Variants in SLC4A5 observed in about 807,000 individuals in gnomAD.
SLC4A5 encodes the protein electrogenic sodium bicarbonate cotransporter 4.
Under a neutral mutation model 120.4 loss-of-function variants are expected in SLC4A5, and 96 were observed. The ratio of observed to expected loss-of-function variants is 0.80; its 90% confidence interval spans 0.68 to 0.94. SLC4A5 has a LOEUF of 0.94. SLC4A5 is among the 40% of genes least tolerant of loss of function. The pLI, the probability that SLC4A5 is intolerant of heterozygous loss-of-function variation, is 0.00. For synonymous variants in SLC4A5, 550 were observed against 571.1 expected (o/e 0.96, Z 0.53); for missense variants, 1,259 against 1,459.5 (o/e 0.86, Z 2.24).
intron 11 of SLC4A5, among the ~76,000 whole-genome samples, chr2:74,260,202 G>A (rs917867945): frequency 1.3e-5 from 2 of 152,182 alleles, no homozygotes; most frequent in African/African-American, 4.8e-5. Context: ...GAGAAAGCCA[G>A]CTCTCCTCTC....
chr2:74,255,953 A>C lies in SLC4A5; in HGVS notation c.868-21T>G. On this transcript the variant is annotated intron_variant, in intron 12 of 30. Coordinates refer to ENST00000394019, the Ensembl canonical transcript of SLC4A5. This position sits in a 1 kb window ranked among gnomAD's most constrained non-coding sequence, Gnocchi z 4.0. ...TTCCGCTGGACAGGGAGGGGAAACG[A>C]GATAGCCAAGGAGACTCCCACCTGC... 6.2e-7 allele frequency: 1 copy of C among 1,611,476 alleles called. No homozygotes were observed. Among genetic ancestry groups the C allele is most frequent in the South Asian group, 1.1e-5 (1 of 90,970 alleles).
At chr2:74,318,560 C>T (rs1036004897) in intron 5 of SLC4A5, among the ~76,000 whole-genome samples, 1 of 152,030 alleles carries the variant, frequency 6.6e-6, no homozygotes, top group African/African-American at 2.4e-5. Context: ...GTGGTGCATG[C>T]CTGTAATCCC....
chr2:74,322,897 G>A (rs573169329), intron 5 of SLC4A5, among the ~76,000 whole-genome samples: 1 of 152,240 alleles, frequency 6.6e-6, no homozygotes, highest in South Asian at 2.1e-4. Flanking sequence ...ACCTGTCAAT[G>A]AATAGAAATC....
At chr2:74,288,914 A>G (rs1672071930) in intron 7 of SLC4A5, among the ~76,000 whole-genome samples, 1 of 152,228 alleles carries the variant, frequency 6.6e-6, no homozygotes, top group African/African-American at 2.4e-5. Context: ...TGCTGGACTC[A>G]TTCCTGAAGC....
chr2:74,239,220 C>A (rs912226150), intron 21 of SLC4A5, 115 bp downstream of exon 21: 2 of 940,160 alleles, frequency 2.1e-6, no homozygotes, highest in African/African-American at 3.3e-5. Context: ...ACTTGAAAAA[C>A]CCCAGTGGGC....
At chr2:74,332,295 T>C (rs973531693) in intron 4 of SLC4A5, among the ~76,000 whole-genome samples, 12 of 151,940 alleles carry the variant, frequency 7.9e-5, no homozygotes, top group Non-Finnish European at 1.3e-4. Context: ...TACGATTCTA[T>C]GTGTCTAAGT....
intron 25 of SLC4A5, among the ~76,000 whole-genome samples, chr2:74,230,410 C>T (rs1242326165): frequency 6.6e-6 from 1 of 152,228 alleles, no homozygotes; most frequent in East Asian, 1.9e-4. Flanking sequence ...TGTGGTGGGA[C>T]ATAAGCAAGA....
At chr2:74,303,637 A>G (rs1191528633) in intron 7 of SLC4A5, among the ~76,000 whole-genome samples, 1 of 152,072 alleles carries the variant, frequency 6.6e-6, no homozygotes, top group East Asian at 1.9e-4. Flanking sequence ...ATTAGCCCAG[A>G]ACTATTTTCT....
intron 2 of SLC4A5, among the ~76,000 whole-genome samples, chr2:74,342,088 T>A (rs575831783): frequency 6.6e-6 from 1 of 152,336 alleles, no homozygotes; most frequent in East Asian, 1.9e-4. Context: ...GAAGTAGATC[T>A]GAAGTAGCTC....
chr2:74,235,491 G>A (rs1308322406), intron 21 of SLC4A5, among the ~76,000 whole-genome samples: 1 of 152,198 alleles, frequency 6.6e-6, no homozygotes, highest in Non-Finnish European at 1.5e-5. Context: ...TAGAGTGCTT[G>A]GCATATGGTG....
At chr2:74,239,440 C>A (rs756839433) in exon 21 of SLC4A5, 1 of 1,614,194 alleles carries the variant, frequency 6.2e-7, no homozygotes. Context: ...CTGGGATAAA[C>A]TTGCAGGAAT....
intron 25 of SLC4A5, among the ~76,000 whole-genome samples, chr2:74,229,104 C>CTTTTTTTTTTTTTTTTTTTTTTTT (rs55689286): frequency 1.0e-5 from 1 of 98,590 alleles, no homozygotes. Context: ...TAGATTTGAG[C>CTTTTTTTTTTTTTTTTTTTTTTTT]TTTTTTTTTT....
rs775759780 is a variant in SLC4A5, at chr2:74,248,495, A to G, written c.1654-9T>C. Reference sequence around the variant, plus strand: ...AAGCTCTCCATCACTCCCTGGGGGCACAAGGAATGTGTGGTTCAGCATAGG... The same window carrying G: ...AAGCTCTCCATCACTCCCTGGGGGCGCAAGGAATGTGTGGTTCAGCATAGG... On this transcript the variant is annotated splice_polypyrimidine_tract_variant and intron_variant, in intron 17 of 30. Transcript: ENST00000394019. 3.1e-6 allele frequency: 5 copies of G among 1,613,700 alleles called. No homozygotes were observed. Among genetic ancestry groups the G allele is most frequent in the Middle Eastern group, 1.6e-4 (1 of 6,082 alleles).
intron 25 of SLC4A5, among the ~76,000 whole-genome samples, chr2:74,230,995 CA>C (rs1670062674): frequency 6.6e-6 from 1 of 152,012 alleles, no homozygotes; most frequent in African/African-American, 2.4e-5. Flanking sequence ...TTAGTAGAGA[CA>C]GGGTTTCACC....
intron 19 of SLC4A5, among the ~76,000 whole-genome samples, chr2:74,244,426 CCTTT>C (rs774010206): frequency 6.8e-5 from 10 of 148,112 alleles, no homozygotes; most frequent in Middle Eastern, 3.4e-3. Flanking sequence ...TCCCTCCTTC[CCTTT>C]CTTTCCTTTC....
At chr2:74,269,235 T>C (rs921295923) in intron 8 of SLC4A5, among the ~76,000 whole-genome samples, 1 of 152,134 alleles carries the variant, frequency 6.6e-6, no homozygotes, top group Non-Finnish European at 1.5e-5. Context: ...AGACGGAGTT[T>C]CACTCTCATC....
At chr2:74,234,798 G>C (rs1176203453) in intron 22 of SLC4A5, among the ~76,000 whole-genome samples, 1 of 152,214 alleles carries the variant, frequency 6.6e-6, no homozygotes, top group East Asian at 1.9e-4. Context: ...GATTGCTAGA[G>C]GTCAGGGAAC....
intron 3 of SLC4A5, 68 bp downstream of exon 3, chr2:74,338,787 C>T (rs978001396): frequency 6.6e-6 from 1 of 152,066 alleles, no homozygotes; most frequent in African/African-American, 2.4e-5. Context: ...GCACTCCAGC[C>T]TAGGTGACAG....
chr2:74,262,019 G>T, intron 11 of SLC4A5, 118 bp downstream of exon 11: 3 of 869,412 alleles, frequency 3.5e-6, no homozygotes, highest in Non-Finnish European at 3.5e-6. Context: ...CCTGATGCAT[G>T]CCCTGAGAAT....
Sources: gnomAD v4.1 joint callset for allele counts (sites outside exome capture counted in the v4.1 genomes callset) on GRCh38, gnomAD v4.1.1 for gene constraint, Gnocchi (gnomAD v3.1) non-coding constraint, MANE v1.5 for transcripts, NCBI Gene and HGNC (gene_info 2026-07-23, HGNC 2026-07-21) for gene names.